Variants in ANKAR observed in about 807,000 individuals in gnomAD.
ANKAR encodes the protein ankyrin and armadillo repeat-containing protein.
A neutral mutation model predicts 146.2 loss-of-function variants in ANKAR; 136 were observed. The observed-to-expected ratio is 0.93, with a 90% CI of 0.81 to 1.07. The LOEUF (loss-of-function observed/expected upper bound fraction) is 1.07, where lower values mean the gene tolerates loss of function less well. ANKAR is among the 50% of genes least tolerant of loss of function. The probability of loss-of-function intolerance (pLI) is 0.00; values close to 1 mark genes in which losing one functional copy is unlikely to be tolerated. For missense variants in ANKAR, 1,567 were observed against 1,679.9 expected (o/e 0.93, Z 1.18); for synonymous variants, 500 against 575.8 (o/e 0.87, Z 1.88).
intron 12 of ANKAR, among the ~76,000 whole-genome samples, chr2:189,724,815 AT>A (rs1466353148): frequency 1.3e-5 from 2 of 152,184 alleles, no homozygotes; most frequent in Non-Finnish European, 2.9e-5. Flanking sequence ...ACACTTTTCT[AT>A]TTAGTTTTGC....
chr2:189,708,599 G>A (rs183539550), intron 9 of ANKAR, among the ~76,000 whole-genome samples: 1 of 152,298 alleles, frequency 6.6e-6, no homozygotes, highest in Admixed American at 6.5e-5. Flanking sequence ...GGCTAATGTA[G>A]TTATTCCAAG....
chr2:189,718,237 G>A (rs1366165303), intron 10 of ANKAR, among the ~76,000 whole-genome samples: 1 of 152,154 alleles, frequency 6.6e-6, no homozygotes, highest in Non-Finnish European at 1.5e-5. Context: ...AGGATAGCTT[G>A]AGCCCAGGAG....
At position 189,676,549 on chromosome 2, in the gene ANKAR, C is replaced by T; in HGVS notation, c.59C>T (p.Thr20Ile). The change falls in exon 2 of 23, where the codon ACC becomes ATC. Residue 20 changes from threonine (T) to isoleucine (I), a missense_variant. Coordinates refer to ENST00000684021, the MANE Select transcript of ANKAR (RefSeq NM_001378068.1). ...PRFEQVQDEDTYLENLAIQRN... is the reference protein window; with the variant it reads ...PRFEQVQDEDIYLENLAIQRN... The stretch of plus-strand genomic sequence containing the variant: ...TTTGAGCAAGTTCAGGATGAAGACA[C>T]CTACCTGGAAAATTTAGCAATACAA... The T allele has an allele frequency of 6.2e-7, 1 of 1,600,484 alleles. No individual in the cohort carries two copies.
chr2:189,758,732 T>TA (rs1213039817), intron 18 of ANKAR, among the ~76,000 whole-genome samples: 2 of 152,238 alleles, frequency 1.3e-5, no homozygotes, highest in African/African-American at 4.8e-5. Flanking sequence ...GCATAGTGAT[T>TA]AATATAGACA....
chr2:189,727,874 CT>C lies in ANKAR; in HGVS notation c.2656del (p.Ser886LeufsTer18). 6.2e-7 allele frequency: 1 copy of C among 1,613,858 alleles called. No homozygotes were observed. Among genetic ancestry groups the C allele is most frequent in the East Asian group, 2.2e-5 (1 of 44,870 alleles). ...TTTGAAGATGTGTTGAAGGCTGTAT[CT>C]TCTGCTGCAATTGCTGAGGTTGGGC... ...SSDSDVLKAVSSAAIAEVGRD... is the reference protein window; with the variant it reads ...SSDSDVLKAVXSAAIAEVGRD... On this transcript the variant is annotated frameshift_variant, in exon 13 of 23. Coordinates refer to ENST00000684021, the MANE Select transcript of ANKAR (RefSeq NM_001378068.1). LOFTEE classifies it high-confidence loss of function.
chr2:189,760,635 CA>C lies in ANKAR; in HGVS notation c.*585-457del. ...GTGAAACCCCGTCTCTACTAAAATG[CA>C]AAAAATCAGCTGGGCGTGGTGGCAC... On this transcript the variant is annotated intron_variant and NMD_transcript_variant, in intron 18 of 18. Coordinates refer to the ANKAR transcript ENST00000441800. Among the ~76,000 whole-genome samples, 2 of 151,932 alleles carry C rather than the reference CA, an allele frequency of 1.3e-5. 1 individual carries two copies. The highest frequency in any genetic ancestry group is 4.2e-4 in the South Asian group (2 of 4,802).
In ANKAR at chr2:189,727,972, G is replaced by A; in HGVS notation, c.2752G>A (p.Gly918Arg). The change falls in exon 13 of 23, where the codon GGG becomes AGG. Residue 918 changes from glycine to arginine, a missense_variant. Gly to Arg is a moderately radical substitution (Grantham distance 125). Transcript: ENST00000684021. ...TCCTCCTCTGGTGGCTCTTTTTAAA[G>A]GGAAACAAATTAGTGTCCAAATGAA... ...AIPPLVALFK[G>R]KQISVQMKGA... is the part of the protein sequence containing the mutation. 6.2e-7 allele frequency: 1 copy of A among 1,613,974 alleles called. No homozygotes were observed. Among genetic ancestry groups the A allele is most frequent in the Non-Finnish European group, 8.5e-7 (1 of 1,179,964 alleles).
At chr2:189,757,267 A>G (rs1000081282) in intron 18 of ANKAR, among the ~76,000 whole-genome samples, 5 of 152,204 alleles carry the variant, frequency 3.3e-5, no homozygotes, top group African/African-American at 7.2e-5. Context: ...TTTACTATGA[A>G]TGGATGACTG....
At chr2:189,754,478 AAT>A in intron 18 of ANKAR, 1 of 802,860 alleles carries the variant, frequency 1.2e-6, no homozygotes, top group Non-Finnish European at 1.9e-6. Context: ...TACTTTGGCA[AAT>A]ATAGACTATA....
downstream of ANKAR, among the ~76,000 whole-genome samples, chr2:189,749,233 G>A (rs1443667760): frequency 1.6e-5 from 2 of 124,886 alleles, no homozygotes; most frequent in East Asian, 2.4e-4. Context: ...ACAACAGAGC[G>A]AGACTCTGTC....
chr2:189,711,101 G>A lies in ANKAR; in HGVS notation c.2172G>A (p.Leu724=). The change falls in exon 10 of 23, where the codon TTG becomes TTA. Residue 724 remains leucine (L), a synonymous_variant. Coordinates refer to ENST00000684021, the MANE Select transcript of ANKAR (RefSeq NM_001378068.1). ...GAAGGATGATGGCCGTCATGTCCTT[G>A]GAAGTAATTTGCTTAGCAAATGATC... ...YKRRMMAVMS[L]EVICLANDQY... 1 of 1,614,012 alleles carries A rather than the reference G, an allele frequency of 6.2e-7. No individual in the cohort carries two copies. Among genetic ancestry groups the A allele is most frequent in the Non-Finnish European group, 8.5e-7 (1 of 1,179,956 alleles).
At chr2:189,695,935 C>A (rs1471783951) in intron 6 of ANKAR, among the ~76,000 whole-genome samples, 1 of 151,966 alleles carries the variant, frequency 6.6e-6, no homozygotes, top group Non-Finnish European at 1.5e-5. Flanking sequence ...ATAAAAAATT[C>A]CCCAAAATAT....
At chr2:189,731,509 G>T (rs938770866) in intron 16 of ANKAR, among the ~76,000 whole-genome samples, 6 of 151,544 alleles carry the variant, frequency 4.0e-5, no homozygotes, top group African/African-American at 1.5e-4. Context: ...GAATAGCTGG[G>T]ATTACAGGTG....
At chr2:189,695,183 A>G (rs2037018532) in intron 6 of ANKAR, 22 bp downstream of exon 6, 1 of 1,548,622 alleles carries the variant, frequency 6.5e-7, no homozygotes, top group Non-Finnish European at 8.7e-7. Flanking sequence ...ACTACCACAT[A>G]ATTTAGTATA....
chr2:189,761,131 T>C (rs192412284), exon 19 of ANKAR: 153 of 237,500 alleles, frequency 6.4e-4, no homozygotes, highest in African/African-American at 1.7e-3. Context: ...CCATGAAACA[T>C]AGAAGTGGAG....
In ANKAR at chr2:189,705,056, G is replaced by A; in HGVS notation, c.1742G>A (p.Cys581Tyr). 1 of 1,613,990 alleles carries A rather than the reference G, an allele frequency of 6.2e-7. No individual in the cohort carries two copies. The highest frequency in any genetic ancestry group is 8.5e-7 in the Non-Finnish European group (1 of 1,179,978). The change falls in exon 8 of 23, where the codon TGC becomes TAC. Residue 581 changes from cysteine to tyrosine, a missense_variant. Physicochemically the swap from Cys to Tyr is radical, Grantham distance 194 (BLOSUM62 -2). Transcript: ENST00000684021. Reference protein sequence around the residue: ...PTPLHLAAQACSLETTVCLLC... With the variant: ...PTPLHLAAQAYSLETTVCLLC... The stretch of plus-strand genomic sequence containing the variant: ...CCTCTACACCTTGCTGCACAGGCTT[G>A]CTCATTAGAAACAACAGTTTGTCTA...
chr2:189,677,076 GAGTTT>G lies in ANKAR; in HGVS notation c.591_595del (p.Ser199ArgfsTer4). ...TCAAACAAATAAAGACATTTTTTCA[GAGTTT>G]AGTTCAGCAGGTAAGAGAATTTAAC... On this transcript the variant is annotated frameshift_variant, in exon 2 of 23. Coordinates refer to ENST00000684021, the MANE Select transcript of ANKAR (RefSeq NM_001378068.1). LOFTEE classifies it high-confidence loss of function. 1 of 1,553,760 alleles carries G rather than the reference GAGTTT, an allele frequency of 6.4e-7. No homozygotes were observed. The highest frequency in any genetic ancestry group is 8.6e-7 in the Non-Finnish European group (1 of 1,156,802).
downstream of ANKAR, chr2:189,761,751 G>A (rs1409680018): frequency 7.5e-7 from 1 of 1,337,072 alleles, no homozygotes; most frequent in Non-Finnish European, 9.8e-7. Flanking sequence ...TTACAGGAAA[G>A]TTTGTAAAAG....
chr2:189,691,489 A>G (rs1188425493), intron 3 of ANKAR, among the ~76,000 whole-genome samples: 2 of 152,064 alleles, frequency 1.3e-5, no homozygotes, highest in African/African-American at 4.8e-5. Flanking sequence ...ACTAGCTGAG[A>G]TAAGTTTTTG....
Sources: gnomAD v4.1 joint callset for allele counts (sites outside exome capture counted in the v4.1 genomes callset) on GRCh38, gnomAD v4.1.1 for gene constraint, MANE v1.5 for transcripts, NCBI Gene and HGNC (gene_info 2026-07-23, HGNC 2026-07-21) for gene names.